The following MID1 variants were observed in gnomAD, a reference collection of about 807,000 sequenced individuals.
The protein encoded by MID1 is E3 ubiquitin-protein ligase Midline-1.
MID1 carries 7 observed loss-of-function variants against 40.4 expected under a neutral mutation model. The ratio of observed to expected loss-of-function variants is 0.17; its 90% confidence interval spans 0.10 to 0.33. The LOEUF is 0.33. Among genes scored for constraint, MID1 ranks in the 10% least tolerant of loss-of-function variants. The probability of loss-of-function intolerance (pLI) is 1.00; values close to 1 mark genes in which losing one functional copy is unlikely to be tolerated. For missense variants in MID1, 367 were observed against 558.5 expected (o/e 0.66, Z 3.46); for synonymous variants, 229 against 221.2 (o/e 1.04, Z -0.31).
intron 2 of MID1, among the ~76,000 whole-genome samples, chrX:10,526,379 G>A (rs1224250513): frequency 9.0e-6 from 1 of 110,839 alleles, no homozygotes; most frequent in East Asian, 2.8e-4. Flanking sequence ...TCACTTTATG[G>A]TCAGAGACTA....
intron 3 of MID1, among the ~76,000 whole-genome samples, chrX:10,516,237 C>G (rs975383365): frequency 9.8e-6 from 1 of 102,119 alleles, no homozygotes; most frequent in Non-Finnish European, 2.0e-5. Context: ...CTCTGTCCCC[C>G]AGGCTGGAGT....
chrX:10,801,934 G>A (rs1379989546), intron 1 of MID1, among the ~76,000 whole-genome samples: 1 of 111,540 alleles, frequency 9.0e-6, no homozygotes, highest in Non-Finnish European at 1.9e-5. Context: ...TGTAATCCCA[G>A]CACTTTGGGA....
At chrX:10,737,350 T>C (rs775917420) in intron 1 of MID1, among the ~76,000 whole-genome samples, 1 of 112,864 alleles carries the variant, frequency 8.9e-6, no homozygotes, top group South Asian at 3.6e-4. Flanking sequence ...CAAGGGATGC[T>C]AGCAAAGACT....
chrX:10,794,050 G>A (rs2043952636), intron 1 of MID1, among the ~76,000 whole-genome samples: 1 of 111,551 alleles, frequency 9.0e-6, no homozygotes, highest in African/African-American at 3.3e-5. Context: ...ATGAACTCTG[G>A]GCTGTTCACC....
chrX:10,723,262 C>T (rs1387293732), intron 1 of MID1, among the ~76,000 whole-genome samples: 1 of 111,786 alleles, frequency 8.9e-6, no homozygotes, highest in Non-Finnish European at 1.9e-5. Flanking sequence ...ACATTTCCAG[C>T]GGCTGAATTT....
intron 8 of MID1, among the ~76,000 whole-genome samples, chrX:10,458,219 G>A (rs938557750): frequency 4.5e-5 from 5 of 112,208 alleles, no homozygotes; most frequent in African/African-American, 1.6e-4. Context: ...CATAGGTATT[G>A]TGCCATTTGT....
chrX:10,588,583 TTC>T (rs1308961185), intron 1 of MID1, among the ~76,000 whole-genome samples: 6 of 110,800 alleles, frequency 5.4e-5, no homozygotes, highest in African/African-American at 9.9e-5. Context: ...ACTTGTATAT[TTC>T]TCTCTTTCTC....
At chrX:10,829,032 C>G (rs2044234481) in intron 1 of MID1, among the ~76,000 whole-genome samples, 1 of 112,380 alleles carries the variant, frequency 8.9e-6, no homozygotes, top group Non-Finnish European at 1.9e-5. Flanking sequence ...TTGGGAAACA[C>G]TACCATTCTT....
At chrX:10,516,609 T>TGTGTGTGC (rs1491262374) in intron 3 of MID1, among the ~76,000 whole-genome samples, 10 of 50,367 alleles carry the variant, frequency 2.0e-4, no homozygotes, top group South Asian at 1.2e-3. Context: ...TGTGTGTGTG[T>TGTGTGTGC]GCGCGCGCGC....
intron 7 of MID1, among the ~76,000 whole-genome samples, chrX:10,463,205 C>T (rs1337267625): frequency 8.9e-6 from 1 of 112,239 alleles, no homozygotes; most frequent in Non-Finnish European, 1.9e-5. Context: ...AAATTAATGT[C>T]ATTACTTTTG....
intron 1 of MID1, among the ~76,000 whole-genome samples, chrX:10,609,715 C>CTTTTTTTTTTTTTTTTT (rs138559299): frequency 8.1e-5 from 7 of 86,412 alleles, no homozygotes; most frequent in Admixed American, 1.2e-4. Flanking sequence ...TTCTTTCTTT[C>CTTTTTTTTTTTTTTTTT]TTTTTTTTTT....
At chrX:10,725,524 C>T (rs747150839) in intron 1 of MID1, among the ~76,000 whole-genome samples, 15 of 111,931 alleles carry the variant, frequency 1.3e-4, no homozygotes, top group Non-Finnish European at 2.4e-4. Context: ...AATCTGTGTA[C>T]ATTACTGAAC....
chrX:10,673,407 C>T (rs1022007359), intron 1 of MID1, among the ~76,000 whole-genome samples: 2 of 112,035 alleles, frequency 1.8e-5, no homozygotes, highest in African/African-American at 6.5e-5. Flanking sequence ...GGCCAGAAAC[C>T]AAACTAAACC....
chrX:10,739,070 T>G (rs2043505621), intron 1 of MID1, among the ~76,000 whole-genome samples: 1 of 111,985 alleles, frequency 8.9e-6, no homozygotes, highest in Non-Finnish European at 1.9e-5. Flanking sequence ...CAAGCGATAT[T>G]TTGTTAGGAG....
intron 1 of MID1, among the ~76,000 whole-genome samples, chrX:10,661,866 A>T (rs1250288718): frequency 8.9e-6 from 1 of 111,987 alleles, no homozygotes; most frequent in Non-Finnish European, 1.9e-5. Flanking sequence ...TTCAGAAAAG[A>T]ATTTGTAAAC....
chrX:10,572,187 T>TACACACAC (rs376684211), intron 1 of MID1, among the ~76,000 whole-genome samples: 3 of 91,017 alleles, frequency 3.3e-5, no homozygotes, highest in East Asian at 3.4e-4. Flanking sequence ...ATGTATCTAA[T>TACACACAC]ACACACACAC....
chrX:10,470,685 G>C (rs1929657622), intron 6 of MID1, among the ~76,000 whole-genome samples: 1 of 111,477 alleles, frequency 9.0e-6, no homozygotes, highest in Non-Finnish European at 1.9e-5. Context: ...TTTGGCATTT[G>C]GTTAATTTAT....
At chrX:10,645,436 C>T (rs914080836) in intron 1 of MID1, among the ~76,000 whole-genome samples, 4 of 112,004 alleles carry the variant, frequency 3.6e-5, no homozygotes, top group Non-Finnish European at 7.5e-5. Context: ...AGTTGGTCAC[C>T]TTTGATTGGC....
At chrX:10,453,833 C>T (rs1000403591) in intron 9 of MID1, among the ~76,000 whole-genome samples, 2 of 111,953 alleles carry the variant, frequency 1.8e-5, no homozygotes, top group African/African-American at 6.5e-5. Flanking sequence ...CACCTGTGAG[C>T]TTTGTAACCC....
Sources: allele counts gnomAD v4.1 joint callset (sites outside exome capture counted in the v4.1 genomes callset), GRCh38; gene constraint gnomAD v4.1.1; transcripts MANE v1.5; gene names NCBI Gene and HGNC (gene_info 2026-07-23, HGNC 2026-07-21).